The following GLRB variants were observed in gnomAD, a reference collection of about 807,000 sequenced individuals.
GLRB encodes glycine receptor subunit beta.
In GLRB, 33 loss-of-function variants were observed where a neutral mutation model predicts 54.2. That is an observed-to-expected ratio of 0.61 (90% confidence interval 0.46 to 0.81). The LOEUF (loss-of-function observed/expected upper bound fraction) is 0.81. GLRB is among the 40% of genes least tolerant of loss of function. The pLI, the probability that GLRB is intolerant of heterozygous loss-of-function variation, is 0.00. For synonymous variants in GLRB, 209 were observed against 208.2 expected (o/e 1.00, Z -0.03); for missense variants, 572 against 584.6 (o/e 0.98, Z 0.22).
Position 157,170,854 on chromosome 4 carries a change from T to G in GLRB, c.*126T>G. ...TTGCATTTTGGATGCCATTTGATTG[T>G]AATAAAACTGTGGCACCTTAATTTT... On this transcript the variant is annotated 3_prime_UTR_variant, in exon 10 of 10. Coordinates refer to ENST00000264428, the MANE Select transcript of GLRB (RefSeq NM_000824.5). 1.7e-6 allele frequency: 1 copy of G among 596,910 alleles called. No individual in the cohort carries two copies. Among genetic ancestry groups the G allele is most frequent in the South Asian group, 2.3e-5 (1 of 43,442 alleles). 37.0% of individuals were successfully genotyped at this position (596,910 alleles called of 1,614,324 possible).
At chr4:157,081,554 T>A (rs1321567765) in intron 2 of GLRB, among the ~76,000 whole-genome samples, 1 of 152,204 alleles carries the variant, frequency 6.6e-6, no homozygotes, top group African/African-American at 2.4e-5. Flanking sequence ...TTTTCATTCA[T>A]ACTACAATCC....
intron 2 of GLRB, among the ~76,000 whole-genome samples, chr4:157,082,140 GC>G (rs746879741): frequency 3.3e-5 from 5 of 151,978 alleles, no homozygotes; most frequent in Non-Finnish European, 4.4e-5. Flanking sequence ...TGTGTATACA[GC>G]CCGTACCTCT....
At chr4:157,158,824 A>T (rs980933702) in intron 9 of GLRB, among the ~76,000 whole-genome samples, 1 of 151,988 alleles carries the variant, frequency 6.6e-6, no homozygotes, top group Non-Finnish European at 1.5e-5. Context: ...GGCTCTTTTT[A>T]GGTTCCATAT....
In GLRB at chr4:157,127,683, T is replaced by C. The variant is rs182286533; in HGVS notation, c.297+5286T>C. 9.2e-5 allele frequency among the ~76,000 whole-genome samples: 14 copies of C among 151,916 alleles called. No individual in the cohort carries two copies. In the East Asian group the frequency reaches 2.7e-3, roughly 30 times the overall value. ...ACAGCAAGATCAGGGTCAGTGGTAG[T>C]AGCTGTGATGCAGGAAGCATGAAGC... On this transcript the variant is annotated intron_variant, in intron 4 of 9. Coordinates refer to ENST00000264428, the MANE Select transcript of GLRB (RefSeq NM_000824.5).
In GLRB at chr4:157,170,812, G is replaced by A. The variant is rs139743350; in HGVS notation, c.*84G>A. On this transcript the variant is annotated 3_prime_UTR_variant, in exon 10 of 10. Transcript: ENST00000264428. ...TAAATGCCAATCTGTGAGAACTTTT[G>A]AATTTTCATAGCAACATTGCATTTT... The A allele has an allele frequency of 5.9e-3, 4,496 of 755,980 alleles. 25 individuals carry two copies. The highest frequency in any genetic ancestry group is 7.5e-3 in the Non-Finnish European group (3,613 of 483,062). 46.8% of individuals were successfully genotyped at this position (755,980 alleles called of 1,614,324 possible).
At chr4:157,089,129 C>G (rs1449341886) in intron 2 of GLRB, among the ~76,000 whole-genome samples, 1 of 152,184 alleles carries the variant, frequency 6.6e-6, no homozygotes, top group East Asian at 1.9e-4. Flanking sequence ...ATGGCTCACC[C>G]TTGTAATCTC....
intron 2 of GLRB, among the ~76,000 whole-genome samples, chr4:157,115,403 A>G (rs1317343467): frequency 6.6e-6 from 1 of 151,724 alleles, no homozygotes; most frequent in Non-Finnish European, 1.5e-5. Context: ...CACTATTTAT[A>G]GTTATATTGT....
rs556831482 is a variant in GLRB at position 157,149,241 on chromosome 4, T to A, written c.905-3477T>A. ...TTGCCCTAGATTCATTTTGCTTTTT[T>A]AAAAAATTAGTTTTGTATTCTACTT... On this transcript the variant is annotated intron_variant, in intron 8 of 9. Transcript: ENST00000264428. Among the ~76,000 whole-genome samples, 260 of 152,236 alleles carry A rather than the reference T, an allele frequency of 1.7e-3. 2 individuals carry two copies. Among genetic ancestry groups the A allele is most frequent in the Middle Eastern group, 6.8e-3 (2 of 294 alleles).
At chr4:157,093,095 A>G (rs1242000517) in intron 2 of GLRB, among the ~76,000 whole-genome samples, 1 of 152,142 alleles carries the variant, frequency 6.6e-6, no homozygotes, top group Non-Finnish European at 1.5e-5. Context: ...GCCTTTGAAT[A>G]TCTTTGCCAT....
At chr4:157,147,160 T>A (rs2880694) in intron 8 of GLRB, among the ~76,000 whole-genome samples, 7,923 of 152,236 alleles carry the variant, frequency 0.052, 347 homozygotes, top group African/African-American at 0.12. Context: ...GAATTTAAAC[T>A]TTGTCAAAAT....
At chr4:157,117,523 C>A (rs1735649246) in intron 2 of GLRB, among the ~76,000 whole-genome samples, 1 of 151,686 alleles carries the variant, frequency 6.6e-6, no homozygotes, top group Non-Finnish European at 1.5e-5. Context: ...CCGCACCAGA[C>A]TATTGATCTG....
chr4:157,117,896 G>T (rs1230025688), intron 2 of GLRB, among the ~76,000 whole-genome samples: 1 of 151,650 alleles, frequency 6.6e-6, no homozygotes, highest in Non-Finnish European at 1.5e-5. Context: ...CAAAATCATT[G>T]CCAAACAATA....
intron 9 of GLRB, among the ~76,000 whole-genome samples, chr4:157,153,281 C>T (rs1168076559): frequency 2.0e-5 from 3 of 152,164 alleles, no homozygotes; most frequent in Non-Finnish European, 4.4e-5. Context: ...GGATTCAACT[C>T]TGCTTTGATG....
chr4:157,094,406 T>C (rs1734730015), intron 2 of GLRB, among the ~76,000 whole-genome samples: 1 of 152,224 alleles, frequency 6.6e-6, no homozygotes, highest in African/African-American at 2.4e-5. Flanking sequence ...TGCCTAGTAT[T>C]CCATTATATG....
At chr4:157,132,713 A>G (rs1736261896) in intron 4 of GLRB, among the ~76,000 whole-genome samples, 2 of 151,946 alleles carry the variant, frequency 1.3e-5, no homozygotes, top group Admixed American at 6.6e-5. Flanking sequence ...ACCTTTGAAC[A>G]TGGGAAGTCT....
chr4:157,167,267 A>G (rs1737744813), intron 9 of GLRB, among the ~76,000 whole-genome samples: 1 of 152,186 alleles, frequency 6.6e-6, no homozygotes, highest in Non-Finnish European at 1.5e-5. Context: ...TCTTAGGGCA[A>G]TGCAAAGATT....
chr4:157,153,649 T>C (rs1279808910), intron 9 of GLRB, among the ~76,000 whole-genome samples: 7 of 152,188 alleles, frequency 4.6e-5, no homozygotes, highest in Non-Finnish European at 7.4e-5. Flanking sequence ...TTAAGAATAG[T>C]GGGCAATGGT....
chr4:157,162,632 C>T (rs529992110), intron 9 of GLRB, among the ~76,000 whole-genome samples: 41 of 152,268 alleles, frequency 2.7e-4, no homozygotes, highest in African/African-American at 9.9e-4. Flanking sequence ...GTATCACCAG[C>T]GGAGGCTGCA....
chr4:157,170,557 C>T lies in GLRB; in HGVS notation c.1323C>T (p.Pro441=), dbSNP rs2126637778. ...ELSNYDCYGK[P]IEVNNGLGKS... Reference sequence around the variant, plus strand: ...CCAATTATGACTGCTATGGAAAACCCATTGAAGTTAACAACGGACTTGGGA... The same window carrying T: ...CCAATTATGACTGCTATGGAAAACCTATTGAAGTTAACAACGGACTTGGGA... Residue 441 remains proline, a synonymous_variant, in exon 10 of 10, where the codon CCC becomes CCT. Transcript: ENST00000264428. 2 of 1,613,226 alleles carry T rather than the reference C, an allele frequency of 1.2e-6. No homozygotes were observed. The highest frequency in any genetic ancestry group is 8.5e-7 in the Non-Finnish European group (1 of 1,179,380).
Sources: gnomAD v4.1 joint callset for allele counts (sites outside exome capture counted in the v4.1 genomes callset) on GRCh38, gnomAD v4.1.1 for gene constraint, MANE v1.5 for transcripts, NCBI Gene and HGNC (gene_info 2026-07-23, HGNC 2026-07-21) for gene names.